The following CHODL variants were observed in gnomAD, a reference collection of about 807,000 sequenced individuals.
CHODL encodes chondrolectin.
CHODL carries 29 observed loss-of-function variants against 34.5 expected under a neutral mutation model. That is an observed-to-expected ratio of 0.84 (90% CI 0.63 to 1.15). The LOEUF (loss-of-function observed/expected upper bound fraction) is 1.15, where lower values mean the gene tolerates loss of function less well. Ranked by LOEUF, CHODL falls within the 50% of genes most tolerant of loss-of-function variation. The probability of loss-of-function intolerance (pLI) is 0.00; values close to 1 mark genes in which losing one functional copy is unlikely to be tolerated. For synonymous variants in CHODL, 125 were observed against 116.1 expected (o/e 1.08, Z -0.49); for missense variants, 332 against 332.5 (o/e 1.00, Z 0.01).
intron 2 of CHODL, among the ~76,000 whole-genome samples, chr21:18,170,343 A>G (rs572548231): frequency 9.9e-5 from 15 of 152,060 alleles, no homozygotes; most frequent in Admixed American, 7.2e-4. Flanking sequence ...ATATAGTTAG[A>G]TGTCACTTTT....
intron 2 of CHODL, among the ~76,000 whole-genome samples, chr21:18,219,354 C>G (rs768636306): frequency 6.6e-6 from 1 of 152,132 alleles, no homozygotes; most frequent in Non-Finnish European, 1.5e-5. Flanking sequence ...AGAGCTCACT[C>G]ACTATCAGGA....
At chr21:18,250,388 C>G (rs1347327939) in intron 1 of CHODL, among the ~76,000 whole-genome samples, 1 of 151,952 alleles carries the variant, frequency 6.6e-6, no homozygotes, top group Admixed American at 6.6e-5. Context: ...GTAGGGCTTG[C>G]TGCTGCTGCC....
chr21:18,007,246 G>C (rs2063969317), intron 1 of CHODL, among the ~76,000 whole-genome samples: 1 of 152,190 alleles, frequency 6.6e-6, no homozygotes, highest in Non-Finnish European at 1.5e-5. Context: ...AAATGTAGAG[G>C]TGGGCACAGG....
At chr21:18,093,314 G>A (rs1355083258) in intron 2 of CHODL, among the ~76,000 whole-genome samples, 1 of 152,154 alleles carries the variant, frequency 6.6e-6, no homozygotes, top group African/African-American at 2.4e-5. Flanking sequence ...ATCAACACCA[G>A]ACCTGTCCTA....
At chr21:18,171,234 C>T in intron 2 of CHODL, among the ~76,000 whole-genome samples, 1 of 59,098 alleles carries the variant, frequency 1.7e-5, no homozygotes, top group Non-Finnish European at 2.6e-5. Flanking sequence ...GAGTCTCGCT[C>T]TGTCGCCCAG....
intron 2 of CHODL, among the ~76,000 whole-genome samples, chr21:18,113,157 A>G (rs2065371877): frequency 1.3e-5 from 2 of 152,354 alleles, no homozygotes; most frequent in East Asian, 1.9e-4. Context: ...GCAAATAGGC[A>G]TATGAAAAGA....
At chr21:18,115,560 A>C (rs2824631) in intron 2 of CHODL, among the ~76,000 whole-genome samples, 35,870 of 152,038 alleles carry the variant, frequency 0.24, 5,158 homozygotes, top group African/African-American at 0.41. Context: ...AGTCTTTCTT[A>C]TATGTCATTA....
chr21:17,982,696 CTTTTTTTTTT>C (rs397867753), intron 1 of CHODL, among the ~76,000 whole-genome samples: 1 of 62,980 alleles, frequency 1.6e-5, no homozygotes, highest in Non-Finnish European at 2.7e-5. Context: ...TATATATATT[CTTTTTTTTTT>C]TTTTTTTTTT....
intron 2 of CHODL, among the ~76,000 whole-genome samples, chr21:18,067,386 A>G (rs1377461871): frequency 1.3e-5 from 2 of 152,244 alleles, no homozygotes; most frequent in Non-Finnish European, 1.5e-5. Flanking sequence ...AAACAAGTAG[A>G]AATTTGAATG....
At chr21:18,094,879 T>C (rs1358358031) in intron 2 of CHODL, among the ~76,000 whole-genome samples, 1 of 151,940 alleles carries the variant, frequency 6.6e-6, no homozygotes, top group Non-Finnish European at 1.5e-5. Flanking sequence ...ATCCCAGCAC[T>C]TTGAGAGGCT....
chr21:18,262,609 G>T (rs1430063342), intron 4 of CHODL, among the ~76,000 whole-genome samples, 182 bp from the exon 5 acceptor site: 1 of 152,116 alleles, frequency 6.6e-6, no homozygotes. Flanking sequence ...TGACTGAAAT[G>T]TCACTATGTG....
chr21:17,946,157 C>A (rs952001281), intron 1 of CHODL, among the ~76,000 whole-genome samples: 2 of 152,204 alleles, frequency 1.3e-5, no homozygotes, highest in African/African-American at 4.8e-5. Flanking sequence ...GTGGCTCACG[C>A]TTGTAATCCC....
At chr21:18,265,229 A>G (rs552774459) in intron 5 of CHODL, among the ~76,000 whole-genome samples, 71 of 145,856 alleles carry the variant, frequency 4.9e-4, no homozygotes, top group Non-Finnish European at 8.9e-4. Context: ...GTATATATAT[A>G]TGTGTGTATA....
intron 1 of CHODL, among the ~76,000 whole-genome samples, chr21:17,992,776 T>C (rs1344243641): frequency 2.4e-5 from 3 of 126,100 alleles, no homozygotes; most frequent in Non-Finnish European, 4.8e-5. Flanking sequence ...TGCTTCAGCC[T>C]CCCGAGTAGC....
chr21:18,189,988 A>T (rs1262971461), intron 2 of CHODL, among the ~76,000 whole-genome samples: 1 of 152,222 alleles, frequency 6.6e-6, no homozygotes, highest in South Asian at 2.1e-4. Flanking sequence ...TTTTCATTCC[A>T]ATAATAATTT....
chr21:18,048,037 C>T (rs535625584), intron 2 of CHODL, among the ~76,000 whole-genome samples: 9 of 151,968 alleles, frequency 5.9e-5, no homozygotes, highest in Admixed American at 1.3e-4. Context: ...CAGGACTTGT[C>T]GAGCACCTAC....
intron 5 of CHODL, among the ~76,000 whole-genome samples, chr21:18,263,332 C>T (rs1008184449): frequency 1.3e-5 from 2 of 152,128 alleles, no homozygotes; most frequent in African/African-American, 4.8e-5. Context: ...TTTTGTATTA[C>T]TTTTCAAAAT....
intron 2 of CHODL, among the ~76,000 whole-genome samples, chr21:18,177,240 C>A (rs1318751035): frequency 6.6e-6 from 1 of 151,888 alleles, no homozygotes; most frequent in Non-Finnish European, 1.5e-5. Context: ...GTAAATCCTA[C>A]AAATGCAAGG....
At chr21:18,031,894 C>T (rs1335702050) in intron 2 of CHODL, among the ~76,000 whole-genome samples, 1 of 152,048 alleles carries the variant, frequency 6.6e-6, no homozygotes, top group East Asian at 1.9e-4. Context: ...TGCTGTGAAC[C>T]TTCATCCTAG....
Sources: allele counts gnomAD v4.1 joint callset (sites outside exome capture counted in the v4.1 genomes callset), GRCh38; gene constraint gnomAD v4.1.1; transcripts MANE v1.5; gene names NCBI Gene and HGNC (gene_info 2026-07-23, HGNC 2026-07-21).